Variants in PLA2G1B observed in about 807,000 individuals in gnomAD.
PLA2G1B encodes the protein phospholipase A2 group IB.
PLA2G1B carries 12 observed loss-of-function variants against 12.5 expected under a neutral mutation model. That is an observed-to-expected ratio of 0.96 (90% CI 0.62 to 1.56). PLA2G1B has a LOEUF of 1.56. Among genes scored for constraint, PLA2G1B ranks in the 40% most tolerant of loss-of-function variants. The probability of loss-of-function intolerance (pLI) is 0.00; values close to 1 mark genes in which losing one functional copy is unlikely to be tolerated. For synonymous variants in PLA2G1B, 81 were observed against 73.4 expected (o/e 1.10, Z -0.53); for missense variants, 189 against 186.7 (o/e 1.01, Z -0.07).
chr12:120,323,585 T>C (rs976019536), intron 3 of PLA2G1B, among the ~76,000 whole-genome samples: 2 of 152,054 alleles, frequency 1.3e-5, no homozygotes, highest in Admixed American at 1.3e-4. Context: ...TTAATTAATA[T>C]GAACAAACAT....
In PLA2G1B at chr12:120,326,016, G is replaced by A. The variant is rs1456654882; in HGVS notation, c.39C>T (p.Ala13=). The A allele has an allele frequency of 2.5e-6, 4 of 1,613,708 alleles. No homozygotes were observed. The highest frequency in any genetic ancestry group is 3.4e-6 in the Non-Finnish European group (4 of 1,179,952). ...LLVLAVLLTV[A]AADSGISPRA... ...GAGGGCTGATGCCGCTGTCGGCGGC[G>A]GCCACTGCAAGAAGACATAGCCAGA... Residue 13 remains alanine, a synonymous_variant, in exon 2 of 4, where the codon GCC becomes GCT. Transcript: ENST00000308366.
In PLA2G1B at chr12:120,325,972, C is replaced by CG; in HGVS notation, c.82dup (p.Arg28ProfsTer12). 6.2e-7 allele frequency: 1 copy of CG among 1,614,058 alleles called. No individual in the cohort carries two copies. The highest frequency in any genetic ancestry group is 1.1e-5 in the South Asian group (1 of 91,086). Reference sequence around the variant, plus strand: ...CGGGATCACGCACTTGATCATTTTGCGGAACTGCCACACGGCCCGAGGGCT... The same window carrying CG: ...CGGGATCACGCACTTGATCATTTTGCGGGAACTGCCACACGGCCCGAGGGCT... On this transcript the variant is annotated frameshift_variant, in exon 2 of 4. Transcript: ENST00000308366. LOFTEE classifies it high-confidence loss of function.
intron 3 of PLA2G1B, among the ~76,000 whole-genome samples, chr12:120,324,636 C>T (rs1213820938): frequency 6.6e-6 from 1 of 152,108 alleles, no homozygotes; most frequent in Non-Finnish European, 1.5e-5. Context: ...CCACTGTGCT[C>T]ATGCCTGGGT....
intron 1 of PLA2G1B, 62 bp from the exon 2 acceptor site, chr12:120,326,082 T>A (rs945603952): frequency 4.2e-5 from 65 of 1,564,180 alleles, no homozygotes; most frequent in Middle Eastern, 3.4e-4. Flanking sequence ...CACACTGCCT[T>A]CCTGCTCCCT....
Position 120,326,022 on chromosome 12 carries a change from T to G in PLA2G1B, c.35-2A>C. 1 of 1,613,652 alleles carries G rather than the reference T, an allele frequency of 6.2e-7. No homozygotes were observed. The highest frequency in any genetic ancestry group is 8.5e-7 in the Non-Finnish European group (1 of 1,179,954). ...TGATGCCGCTGTCGGCGGCGGCCAC[T>G]GCAAGAAGACATAGCCAGAGTTCAA... is the stretch of plus-strand genomic sequence containing the variant. On this transcript the variant is annotated splice_acceptor_variant, in intron 1 of 3. Coordinates refer to ENST00000308366, the MANE Select transcript of PLA2G1B (RefSeq NM_000928.3). LOFTEE classifies it high-confidence loss of function.
intron 1 of PLA2G1B, among the ~76,000 whole-genome samples, chr12:120,326,827 G>A (rs1873361062): frequency 1.3e-5 from 2 of 151,810 alleles, no homozygotes; most frequent in South Asian, 2.1e-4. Context: ...AAAAATTAGC[G>A]GGGCGTGGTG....
intron 1 of PLA2G1B, among the ~76,000 whole-genome samples, chr12:120,326,668 A>T (rs1873357100): frequency 6.6e-6 from 1 of 151,210 alleles, no homozygotes; most frequent in African/African-American, 2.4e-5. Flanking sequence ...AGAGAAAAAC[A>T]ATAAATAATA....
In PLA2G1B at chr12:120,325,446, C is replaced by T. The variant is rs576558605; in HGVS notation, c.195-385G>A. ...AACTCCTGACCTCAAGTGATCCGCCCGCCTCGGCCTCCCAAAGTGCTGGGA... is the reference window on the plus strand; with the variant it reads ...AACTCCTGACCTCAAGTGATCCGCCTGCCTCGGCCTCCCAAAGTGCTGGGA... On this transcript the variant is annotated intron_variant, in intron 2 of 3. Coordinates refer to ENST00000308366, the MANE Select transcript of PLA2G1B (RefSeq NM_000928.3). Among the ~76,000 whole-genome samples, 18 of 152,202 alleles carry T rather than the reference C, an allele frequency of 1.2e-4. No homozygotes were observed. The East Asian group carries it at 2.9e-3, about 25-fold the overall frequency.
chr12:120,323,765 T>C (rs1044689187), intron 3 of PLA2G1B, among the ~76,000 whole-genome samples: 1 of 152,084 alleles, frequency 6.6e-6, no homozygotes, highest in Admixed American at 6.6e-5. Context: ...TAAGCCATAT[T>C]ATTCAGTGAC....
chr12:120,322,296 G>C lies in PLA2G1B; in HGVS notation c.344C>G (p.Ala115Gly), dbSNP rs149400012. Residue 115 changes from alanine (A) to glycine (G), a missense_variant, in exon 4 of 4, where the codon GCC becomes GGC. Transcript: ENST00000308366. ...TCSSKNKECE[A>G]FICNCDRNAA... ...GTTGCGGTCGCAGTTGCAAATGAAGGCCTCACACTCTTTGTTTTTGCCTGG... is the reference window on the plus strand; with the variant it reads ...GTTGCGGTCGCAGTTGCAAATGAAGCCCTCACACTCTTTGTTTTTGCCTGG... 3.8e-5 allele frequency: 61 copies of C among 1,613,948 alleles called. No homozygotes were observed. In the African/African-American group the frequency reaches 7.2e-4, roughly 19 times the overall value.
chr12:120,325,428 G>C (rs1430584685), intron 2 of PLA2G1B, among the ~76,000 whole-genome samples: 1 of 152,104 alleles, frequency 6.6e-6, no homozygotes. Flanking sequence ...TCGAACTCCT[G>C]ACCTCAAGTG....
intron 1 of PLA2G1B, among the ~76,000 whole-genome samples, chr12:120,326,778 G>A (rs1873359980): frequency 1.3e-5 from 2 of 151,882 alleles, no homozygotes; most frequent in African/African-American, 4.8e-5. Context: ...AGACCATCCT[G>A]GCTAACACGA....
chr12:120,324,749 TCA>T (rs1343331406), intron 3 of PLA2G1B, among the ~76,000 whole-genome samples, 183 bp downstream of exon 3: 4 of 152,144 alleles, frequency 2.6e-5, no homozygotes, highest in Admixed American at 6.6e-5. Context: ...CTTCTGAGCC[TCA>T]GTTTTCTTAT....
At chr12:120,323,255 G>A (rs1414680079) in intron 3 of PLA2G1B, among the ~76,000 whole-genome samples, 4 of 151,592 alleles carry the variant, frequency 2.6e-5, no homozygotes, top group Non-Finnish European at 4.4e-5. Context: ...GTTTCTCTCC[G>A]ATCCTTTATT....
In PLA2G1B at chr12:120,325,899, G is replaced by A; in HGVS notation, c.156C>T (p.Gly52=). 6.2e-7 allele frequency: 1 copy of A among 1,614,132 alleles called. No individual in the cohort carries two copies. The highest frequency in any genetic ancestry group is 8.5e-7 in the Non-Finnish European group (1 of 1,179,992). The change falls in exon 2 of 4, where the codon GGC becomes GGT. Residue 52 remains glycine (G), a synonymous_variant. Transcript: ENST00000308366. The stretch of plus-strand genomic sequence containing the variant: ...CCACGGGGGTGCCTGAGCCCCCCAA[G>A]CCACAGTAGCAGCCGTAGTTGTTGT... ...LEYNNYGCYC[G]LGGSGTPVDE...
chr12:120,325,716 C>T, intron 2 of PLA2G1B, 145 bp downstream of exon 2: 1 of 777,616 alleles, frequency 1.3e-6, no homozygotes, highest in African/African-American at 1.8e-5. Flanking sequence ...CCTCTTGGAA[C>T]ATATTTGTTT....
rs148896439 is a variant in PLA2G1B, at chr12:120,325,900, C to T, written c.155G>A (p.Gly52Asp). 1 of 1,614,194 alleles carries T rather than the reference C, an allele frequency of 6.2e-7. No homozygotes were observed. The highest frequency in any genetic ancestry group is 8.5e-7 in the Non-Finnish European group (1 of 1,180,024). Residue 52 changes from glycine (G) to aspartate (D), a missense_variant, in exon 2 of 4, where the codon GGC becomes GAC. Gly to Asp is a moderately conservative substitution (Grantham distance 94). Coordinates refer to ENST00000308366, the MANE Select transcript of PLA2G1B (RefSeq NM_000928.3). ...LEYNNYGCYC[G>D]LGGSGTPVDE... is the part of the protein sequence containing the mutation. ...CACGGGGGTGCCTGAGCCCCCCAAG[C>T]CACAGTAGCAGCCGTAGTTGTTGTA...
intron 1 of PLA2G1B, among the ~76,000 whole-genome samples, chr12:120,327,514 A>G (rs1160589452): frequency 1.3e-5 from 2 of 152,144 alleles, no homozygotes; most frequent in South Asian, 2.1e-4. Context: ...AGCTCAGGCA[A>G]TCTGAGTTCA....
At position 120,324,961 on chromosome 12, in the gene PLA2G1B, A is replaced by T; in HGVS notation, c.295T>A (p.Cys99Ser). Residue 99 changes from cysteine (C) to serine (S), a missense_variant, in exon 3 of 4, where the codon TGC (cysteine) becomes AGC (serine). Transcript: ENST00000308366. ...NPYTHTYSYS[C>S]SGSAITCSSK... ...CTACAGGTGATTGCCGAGCCAGAGC[A>T]CGAGTATGAATAGGTGTGGGTGTAC... The T allele has an allele frequency of 6.2e-7, 1 of 1,614,160 alleles. No homozygotes were observed. The highest frequency in any genetic ancestry group is 1.3e-5 in the African/African-American group (1 of 75,050).
Sources: allele counts gnomAD v4.1 joint callset (sites outside exome capture counted in the v4.1 genomes callset), GRCh38; gene constraint gnomAD v4.1.1; transcripts MANE v1.5; gene names NCBI Gene and HGNC (gene_info 2026-07-23, HGNC 2026-07-21).